IL31RA: variants seen among roughly 807,000 people sequenced by gnomAD.
The protein encoded by IL31RA is interleukin-31 receptor subunit alpha.
Under a neutral mutation model 83.7 loss-of-function variants are expected in IL31RA, and 66 were observed. The ratio of observed to expected loss-of-function variants is 0.79; its 90% CI spans 0.65 to 0.97. The LOEUF is 0.97. Among genes scored for constraint, IL31RA ranks in the 50% least tolerant of loss-of-function variants. The pLI is 0.00. For synonymous variants in IL31RA, 325 were observed against 329.0 expected (o/e 0.99, Z 0.13); for missense variants, 798 against 919.4 (o/e 0.87, Z 1.71).
intron 3 of IL31RA, among the ~76,000 whole-genome samples, chr5:55,869,786 A>AT (rs1278463305): frequency 6.6e-6 from 1 of 152,158 alleles, no homozygotes; most frequent in Non-Finnish European, 1.5e-5. Flanking sequence ...TTTAACAAAA[A>AT]TTTTTAACAT....
upstream of IL31RA, among the ~76,000 whole-genome samples, chr5:55,847,005 G>A (rs923550726): frequency 4.0e-5 from 6 of 151,158 alleles, no homozygotes; most frequent in South Asian, 4.2e-4. Context: ...AGCACTTTGG[G>A]AGGCTGAGGC....
At chr5:55,867,824 G>A (rs1053433498) in intron 2 of IL31RA, among the ~76,000 whole-genome samples, 10 of 152,168 alleles carry the variant, frequency 6.6e-5, no homozygotes, top group East Asian at 5.8e-4. Context: ...TGATAAACCC[G>A]TCAGATCTCG....
upstream of IL31RA, among the ~76,000 whole-genome samples, chr5:55,848,665 T>C (rs1744989113): frequency 6.6e-6 from 1 of 152,224 alleles, no homozygotes; most frequent in African/African-American, 2.4e-5. Flanking sequence ...CATGATTATT[T>C]CTTTTAGATA....
In IL31RA at chr5:55,921,977, T is replaced by C. The variant is rs911795223; in HGVS notation, c.*4857T>C. Among the ~76,000 whole-genome samples the C allele has an allele frequency of 2.5e-4, 35 of 142,336 alleles. No homozygotes were observed. The highest frequency in any genetic ancestry group is 8.7e-4 in the African/African-American group (34 of 39,154). 93.4% of individuals were successfully genotyped at this position (142,336 alleles called of 152,430 possible). On this transcript the variant is annotated 3_prime_UTR_variant, in exon 15 of 15. Transcript: ENST00000652347. ...GTGTATTTTGTTAATTGTTTCTACG[T>C]AAATGTTGATTATTGACAAGCCTAC...
rs1006190970 is a variant in IL31RA, at chr5:55,872,326, G to A, written c.329G>A (p.Arg110His). Residue 110 changes from arginine to histidine, a missense_variant, in exon 4 of 15, where the codon CGT becomes CAT. Physicochemically the swap from Arg to His is conservative, Grantham distance 29. Coordinates refer to ENST00000652347, the MANE Select transcript of IL31RA (RefSeq NM_139017.7). Reference protein sequence around the residue: ...CTTNSSTSENRASCSFFLPRI... With the variant: ...CTTNSSTSENHASCSFFLPRI... Reference sequence around the variant, plus strand: ...ACCAATAGTTCTACAAGTGAAAATCGTGCTTCGTGCTCTTTTTTCCTTCCA... The same window carrying A: ...ACCAATAGTTCTACAAGTGAAAATCATGCTTCGTGCTCTTTTTTCCTTCCA... The A allele has an allele frequency of 9.3e-6, 15 of 1,613,220 alleles. No individual in the cohort carries two copies. The highest frequency in any genetic ancestry group is 1.2e-5 in the Non-Finnish European group (14 of 1,179,356).
At chr5:55,840,960 A>T in the IL31RA span, among the ~76,000 whole-genome samples, 1 of 152,218 alleles carries the variant, frequency 6.6e-6, no homozygotes, top group Non-Finnish European at 1.5e-5. Context: ...GGCACATAGT[A>T]GATCCTATGT....
Position 55,908,332 on chromosome 5 carries a change from A to C in IL31RA, c.1422A>C (p.Lys474Asn). 1 of 1,614,218 alleles carries C rather than the reference A, an allele frequency of 6.2e-7. No homozygotes were observed. Among genetic ancestry groups the C allele is most frequent in the Non-Finnish European group, 8.5e-7 (1 of 1,180,042 alleles). Reference protein sequence around the residue: ...IGVKTVTITWKEIPKSERKGI... With the variant: ...IGVKTVTITWNEIPKSERKGI... ...TGAAGACGGTCACGATCACATGGAA[A>C]GAGATTCCCAAGAGTGAGAGAAAGG... Residue 474 changes from lysine to asparagine, a missense_variant, in exon 11 of 15, where the codon AAA becomes AAC. By Grantham distance (94) the Lys-to-Asn change is moderately conservative (BLOSUM62 0). Transcript: ENST00000652347.
intron 12 of IL31RA, among the ~76,000 whole-genome samples, chr5:55,913,264 G>A (rs1749603082): frequency 6.6e-6 from 1 of 152,004 alleles, no homozygotes; most frequent in African/African-American, 2.4e-5. Context: ...CTAATTTTTT[G>A]TATCTTTAGT....
At chr5:55,863,321 T>A (rs988725885) in intron 2 of IL31RA, among the ~76,000 whole-genome samples, 8 of 152,220 alleles carry the variant, frequency 5.3e-5, no homozygotes, top group Non-Finnish European at 8.8e-5. Flanking sequence ...ATTTAGGTAT[T>A]AGTCAGGGAG....
At chr5:55,867,232 TTTGTG>T (rs1746191866) in intron 2 of IL31RA, among the ~76,000 whole-genome samples, 1 of 102,428 alleles carries the variant, frequency 9.8e-6, no homozygotes, top group Admixed American at 9.1e-5. Context: ...TGTGTGTGTG[TTTGTG>T]TGTGTGTTTG....
At chr5:55,857,511 C>T (rs1745430627) in intron 1 of IL31RA, among the ~76,000 whole-genome samples, 1 of 152,176 alleles carries the variant, frequency 6.6e-6, no homozygotes, top group Non-Finnish European at 1.5e-5. Flanking sequence ...ATCCTAATGG[C>T]AAGGCTTGTT....
chr5:55,889,455 G>T (rs1747846446), intron 5 of IL31RA, among the ~76,000 whole-genome samples: 1 of 152,224 alleles, frequency 6.6e-6, no homozygotes, highest in Non-Finnish European at 1.5e-5. Flanking sequence ...AAAAGCCGAG[G>T]AGTGAAGAAA....
the IL31RA span, among the ~76,000 whole-genome samples, chr5:55,840,683 T>G: frequency 6.6e-6 from 1 of 152,240 alleles, no homozygotes; most frequent in African/African-American, 2.4e-5. Context: ...GTGTTTAGAC[T>G]GCCCTTTGCT....
intron 2 of IL31RA, among the ~76,000 whole-genome samples, chr5:55,861,710 T>C (rs1369491190): frequency 6.6e-6 from 1 of 151,952 alleles, no homozygotes; most frequent in Non-Finnish European, 1.5e-5. Flanking sequence ...TTACAGACAC[T>C]GTGGCTCCTA....
At chr5:55,882,361 A>G (rs1747291750) in intron 4 of IL31RA, among the ~76,000 whole-genome samples, 1 of 152,254 alleles carries the variant, frequency 6.6e-6, no homozygotes, top group African/African-American at 2.4e-5. Flanking sequence ...TGATTGCATA[A>G]TGTTATTTTT....
intron 8 of IL31RA, among the ~76,000 whole-genome samples, chr5:55,905,200 CAAA>C (rs34211603): frequency 6.9e-5 from 5 of 72,530 alleles, no homozygotes; most frequent in Non-Finnish European, 6.0e-5. Flanking sequence ...GACTCTGCCT[CAAA>C]AAAAAAAAAA....
Position 55,867,229 on chromosome 5 carries a change from G to GCA in IL31RA, c.155-1562_155-1561insCA, listed in dbSNP as rs1561543434. ...TGTGTGCGCATGTGTGTTTGTGTGT[G>GCA]TGTTTGTGTGTGTGTTTGTGTGTGC... On this transcript the variant is annotated intron_variant, in intron 2 of 14. Coordinates refer to ENST00000652347, the MANE Select transcript of IL31RA (RefSeq NM_139017.7). Among the ~76,000 whole-genome samples the GCA allele has an allele frequency of 1.0e-3, 124 of 121,960 alleles. 4 individuals carry two copies. The Middle Eastern group carries it at 0.012, about 11-fold the overall frequency. 80.0% of individuals were successfully genotyped at this position (121,960 alleles called of 152,430 possible). A position where few individuals can be genotyped will look rare whatever the true frequency, so the allele number is the denominator to read the frequency against.
upstream of IL31RA, among the ~76,000 whole-genome samples, chr5:55,850,867 G>T (rs1439050568): frequency 6.6e-6 from 1 of 152,140 alleles, no homozygotes; most frequent in African/African-American, 2.4e-5. Flanking sequence ...GAGGCAGGTG[G>T]ATCACCTGAG....
At chr5:55,905,156 A>G (rs560189582) in intron 8 of IL31RA, among the ~76,000 whole-genome samples, 2 of 150,950 alleles carry the variant, frequency 1.3e-5, no homozygotes, top group East Asian at 1.9e-4. Flanking sequence ...AGCCAAGATC[A>G]TGCCACTGCA....
Sources: gnomAD v4.1 joint callset for allele counts (sites outside exome capture counted in the v4.1 genomes callset) on GRCh38, gnomAD v4.1.1 for gene constraint, MANE v1.5 for transcripts, NCBI Gene and HGNC (gene_info 2026-07-23, HGNC 2026-07-21) for gene names.